The following MARCHF1 variants were observed in gnomAD, a reference collection of about 807,000 sequenced individuals.
MARCHF1 encodes the protein membrane associated ring-CH-type finger 1.
MARCHF1 carries 40 observed loss-of-function variants against 54.2 expected under a neutral mutation model. That is an observed-to-expected ratio of 0.74 (90% CI 0.57 to 0.96). The LOEUF (loss-of-function observed/expected upper bound fraction) is 0.96. Ranked by LOEUF, MARCHF1 falls within the 40% of genes least tolerant of loss-of-function variation. The probability of loss-of-function intolerance (pLI) is 0.00; values close to 1 mark genes in which losing one functional copy is unlikely to be tolerated. For missense variants in MARCHF1, 586 were observed against 656.5 expected (o/e 0.89, Z 1.17); for synonymous variants, 236 against 236.3 (o/e 1.00, Z 0.01).
At chr4:163,723,479 G>C (rs1169628331) in intron 4 of MARCHF1, among the ~76,000 whole-genome samples, 3 of 152,106 alleles carry the variant, frequency 2.0e-5, no homozygotes, top group Non-Finnish European at 4.4e-5. Context: ...TTTCAACTTT[G>C]GTGAATCTGA....
At chr4:164,231,254 T>C (rs1732407161) in intron 1 of MARCHF1, among the ~76,000 whole-genome samples, 1 of 152,178 alleles carries the variant, frequency 6.6e-6, no homozygotes, top group Non-Finnish European at 1.5e-5. Context: ...TAAAAGTACA[T>C]GTCACCCCAT....
chr4:163,989,235 C>T (rs1752926102), intron 2 of MARCHF1, among the ~76,000 whole-genome samples: 1 of 151,448 alleles, frequency 6.6e-6, no homozygotes, highest in African/African-American at 2.4e-5. Context: ...CTGCTTAGGT[C>T]AAAGGATCTG....
At chr4:164,219,730 C>G (rs1257029923) in intron 1 of MARCHF1, among the ~76,000 whole-genome samples, 1 of 151,816 alleles carries the variant, frequency 6.6e-6, no homozygotes, top group Admixed American at 6.6e-5. Context: ...TATTAAAAGT[C>G]CAATGACTCG....
At chr4:164,243,237 G>C (rs1732831356) in intron 1 of MARCHF1, among the ~76,000 whole-genome samples, 1 of 142,808 alleles carries the variant, frequency 7.0e-6, no homozygotes, top group Admixed American at 7.3e-5. Context: ...AGAAAGGTCG[G>C]GTTACCCTCA....
rs1379073582 is a variant in MARCHF1 at position 163,686,116 on chromosome 4, T to G, written c.162+14697A>C. On this transcript the variant is annotated intron_variant, in intron 5 of 9. Coordinates refer to ENST00000514618, the MANE Select transcript of MARCHF1 (RefSeq NM_001394959.1). ...CATAGTAAGTGCTTAATAAATTATATATAGCAGATGCTTACTGAGTGATCT... is the reference window on the plus strand; with the variant it reads ...CATAGTAAGTGCTTAATAAATTATAGATAGCAGATGCTTACTGAGTGATCT... Among the ~76,000 whole-genome samples the G allele has an allele frequency of 2.0e-5, 3 of 152,218 alleles. No individual in the cohort carries two copies. In the East Asian group the frequency reaches 5.8e-4, roughly 29 times the overall value.
intron 1 of MARCHF1, among the ~76,000 whole-genome samples, chr4:164,276,376 G>A (rs1455464706): frequency 6.6e-6 from 1 of 152,046 alleles, no homozygotes; most frequent in Middle Eastern, 3.4e-3. Flanking sequence ...ACAAAATTGT[G>A]CTTTTCCTCA....
At chr4:163,913,356 A>C (rs1579387588) in intron 3 of MARCHF1, among the ~76,000 whole-genome samples, 1 of 152,162 alleles carries the variant, frequency 6.6e-6, no homozygotes, top group Non-Finnish European at 1.5e-5. Flanking sequence ...TTAATGTGTA[A>C]TACAACTGCC....
intron 1 of MARCHF1, among the ~76,000 whole-genome samples, chr4:164,263,158 G>GTA (rs1265810845): frequency 6.6e-6 from 1 of 151,330 alleles, no homozygotes; most frequent in Non-Finnish European, 1.5e-5. Context: ...GTGTGTGTGT[G>GTA]TATGAAAGAC....
chr4:163,917,824 T>C (rs1180791569), intron 3 of MARCHF1, among the ~76,000 whole-genome samples: 1 of 152,134 alleles, frequency 6.6e-6, no homozygotes, highest in Admixed American at 6.6e-5. Context: ...ATGGATAAAT[T>C]GCAAAAATTT....
At chr4:163,792,801 A>T (rs1023844727) in intron 4 of MARCHF1, among the ~76,000 whole-genome samples, 4 of 152,208 alleles carry the variant, frequency 2.6e-5, no homozygotes, top group Non-Finnish European at 5.9e-5. Context: ...GTTTTAAGGG[A>T]AAGTTAGACT....
At chr4:164,231,092 C>T (rs112345702) in intron 1 of MARCHF1, among the ~76,000 whole-genome samples, 197 of 152,120 alleles carry the variant, frequency 1.3e-3, no homozygotes, top group African/African-American at 4.4e-3. Context: ...AAGTGAGGAG[C>T]GAAAAGAACT....
At chr4:163,683,625 T>C (rs943509358) in intron 5 of MARCHF1, among the ~76,000 whole-genome samples, 1 of 152,224 alleles carries the variant, frequency 6.6e-6, no homozygotes, top group Non-Finnish European at 1.5e-5. Flanking sequence ...ACAAGGCTCA[T>C]ATTTTCTGTT....
intron 4 of MARCHF1, among the ~76,000 whole-genome samples, chr4:163,756,249 A>T (rs1746662090): frequency 6.6e-6 from 1 of 152,144 alleles, no homozygotes; most frequent in Admixed American, 6.6e-5. Context: ...CCAGAATGTA[A>T]TCCTATTTGT....
At chr4:163,858,344 A>G (rs1035969252) in intron 3 of MARCHF1, among the ~76,000 whole-genome samples, 1 of 152,014 alleles carries the variant, frequency 6.6e-6, no homozygotes, top group Non-Finnish European at 1.5e-5. Context: ...GCCTACCTCT[A>G]TTTATCTCTC....
intron 5 of MARCHF1, among the ~76,000 whole-genome samples, chr4:163,680,129 CCATGATCTGGTCTATA>C (rs1438578182): frequency 6.6e-6 from 1 of 152,108 alleles, no homozygotes; most frequent in African/African-American, 2.4e-5. Flanking sequence ...CAAGGATCTT[CCATGATCTGGTCTATA>C]CTTATTTCAG....
intron 3 of MARCHF1, among the ~76,000 whole-genome samples, chr4:163,934,768 T>C (rs1282777110): frequency 8.0e-6 from 1 of 125,768 alleles, no homozygotes; most frequent in Admixed American, 7.9e-5. Context: ...AGGACTGAAG[T>C]TGACTAACTT....
chr4:163,832,582 ATAT>A (rs5863633), intron 4 of MARCHF1, among the ~76,000 whole-genome samples: 13 of 147,618 alleles, frequency 8.8e-5, no homozygotes, highest in Non-Finnish European at 1.3e-4. Context: ...TGGATCCAAA[ATAT>A]TATTATTATT....
chr4:163,841,067 A>G (rs1749324397), intron 4 of MARCHF1, among the ~76,000 whole-genome samples: 2 of 152,150 alleles, frequency 1.3e-5, no homozygotes, highest in South Asian at 2.1e-4. Flanking sequence ...TATTAAGATT[A>G]GGTAAAAGAA....
chr4:163,873,050 A>AAAAAC (rs1553960050), intron 3 of MARCHF1, among the ~76,000 whole-genome samples: 4 of 150,634 alleles, frequency 2.7e-5, no homozygotes, highest in Non-Finnish European at 4.4e-5. Context: ...TCTCAAAAAA[A>AAAAAC]AAACAAACAA....
Sources: allele counts gnomAD v4.1 joint callset (sites outside exome capture counted in the v4.1 genomes callset), GRCh38; gene constraint gnomAD v4.1.1; transcripts MANE v1.5; gene names NCBI Gene and HGNC (gene_info 2026-07-23, HGNC 2026-07-21).